MND1: variants seen among roughly 807,000 people sequenced by gnomAD.
The protein encoded by MND1 is meiotic nuclear divisions 1.
MND1 carries 28 observed loss-of-function variants against 35.1 expected under a neutral mutation model. The observed-to-expected ratio is 0.80, with a 90% CI of 0.59 to 1.09. The LOEUF (loss-of-function observed/expected upper bound fraction) is 1.09, where lower values mean the gene tolerates loss of function less well. Among genes scored for constraint, MND1 ranks in the 50% least tolerant of loss-of-function variants. The pLI is 0.00. For missense variants in MND1, 213 were observed against 239.6 expected, an observed-to-expected ratio of 0.89 and a Z score of 0.73; for synonymous variants, 69 against 70.5, an observed-to-expected ratio of 0.98 and a Z score of 0.11.
In MND1 at chr4:153,414,990, A is replaced by G. The variant is rs1385846298; in HGVS notation, c.*133A>G. On this transcript the variant is annotated 3_prime_UTR_variant, in exon 8 of 8. Transcript: ENST00000240488. ...TTTTATTAATGTTAAATAAAGTGTAAAATGCAGATGTTCTTCACCCCTTTT... is the reference window on the plus strand; with the variant it reads ...TTTTATTAATGTTAAATAAAGTGTAGAATGCAGATGTTCTTCACCCCTTTT... 2.3e-6 allele frequency: 1 copy of G among 432,096 alleles called. No individual in the cohort carries two copies. Among genetic ancestry groups the G allele is most frequent in the African/African-American group, 2.1e-5 (1 of 48,748 alleles). The allele number at this position is 432,096 out of a possible 1,614,324, so 26.8% of individuals were successfully genotyped here. A position where few individuals can be genotyped will look rare whatever the true frequency, so the allele number is the denominator to read the frequency against.
chr4:153,393,405 C>T (rs1361702774), intron 4 of MND1, among the ~76,000 whole-genome samples: 14 of 138,548 alleles, frequency 1.0e-4, no homozygotes. Context: ...GGGTCTCACT[C>T]TGTCACCCAG....
chr4:153,358,668 A>G (rs143784965), intron 4 of MND1, 46 bp downstream of exon 4: 366 of 1,560,090 alleles, frequency 2.3e-4, no homozygotes, highest in Non-Finnish European at 3.1e-4. Flanking sequence ...TATAACGGAG[A>G]GTTGTTTTAC....
At chr4:153,388,040 A>G (rs1216835324) in intron 4 of MND1, among the ~76,000 whole-genome samples, 2 of 152,176 alleles carry the variant, frequency 1.3e-5, no homozygotes, top group Non-Finnish European at 2.9e-5. Flanking sequence ...GCCAGCTTGA[A>G]TCAATTATTC....
At chr4:153,358,989 T>C (rs915004586) in intron 4 of MND1, among the ~76,000 whole-genome samples, 2 of 152,232 alleles carry the variant, frequency 1.3e-5, no homozygotes, top group African/African-American at 2.4e-5. Flanking sequence ...TTCCCTGTTA[T>C]TGACATCCTA....
intron 4 of MND1, chr4:153,363,139 T>C (rs17007969): frequency 0.057 from 18,428 of 321,394 alleles, 682 homozygotes; most frequent in South Asian, 0.14. Context: ...CTGGTGTGCA[T>C]GTTAGACTCC....
chr4:153,398,609 A>C (rs528400188), intron 6 of MND1, among the ~76,000 whole-genome samples: 4 of 152,314 alleles, frequency 2.6e-5, no homozygotes, highest in Admixed American at 2.0e-4. Context: ...CTGATTACCC[A>C]GGGTGATTTT....
At chr4:153,367,316 C>T (rs1315236557) in intron 4 of MND1, among the ~76,000 whole-genome samples, 1 of 152,170 alleles carries the variant, frequency 6.6e-6, no homozygotes, top group East Asian at 1.9e-4. Context: ...TCAGCCCACT[C>T]CTCCCACACA....
chr4:153,394,044 T>C, intron 4 of MND1, among the ~76,000 whole-genome samples: 1 of 147,330 alleles, frequency 6.8e-6, no homozygotes, highest in Admixed American at 6.9e-5. Flanking sequence ...ACTACAGGTG[T>C]GCGCCACCAC....
chr4:153,347,525 A>T (rs1773103587), intron 1 of MND1, among the ~76,000 whole-genome samples: 1 of 152,204 alleles, frequency 6.6e-6, no homozygotes, highest in Admixed American at 6.5e-5. Flanking sequence ...CCCTTGTCTA[A>T]CTTGGCACTA....
intron 6 of MND1, among the ~76,000 whole-genome samples, chr4:153,405,355 C>T (rs186205311): frequency 2.3e-4 from 35 of 151,936 alleles, no homozygotes; most frequent in East Asian, 1.2e-3. Flanking sequence ...CTGGCTAACA[C>T]GGTGAAACCC....
At chr4:153,368,271 C>G (rs1773706007) in intron 4 of MND1, among the ~76,000 whole-genome samples, 1 of 152,152 alleles carries the variant, frequency 6.6e-6, no homozygotes, top group East Asian at 1.9e-4. Context: ...CCTCCTCAAG[C>G]TCTCATTGCT....
At chr4:153,370,554 C>G (rs1773765426) in intron 4 of MND1, among the ~76,000 whole-genome samples, 1 of 152,008 alleles carries the variant, frequency 6.6e-6, no homozygotes, top group South Asian at 2.1e-4. Context: ...GAGTCTCACT[C>G]TGTCATCCAG....
chr4:153,355,570 C>A (rs903001603), intron 2 of MND1, 84 bp from the exon 3 acceptor site: 12 of 770,074 alleles, frequency 1.6e-5, no homozygotes, highest in Non-Finnish European at 2.7e-5. Flanking sequence ...ATTATGTACC[C>A]ATAATAAAAA....
chr4:153,357,062 A>T (rs1264195765), intron 3 of MND1, among the ~76,000 whole-genome samples: 2 of 152,174 alleles, frequency 1.3e-5, no homozygotes, highest in African/African-American at 4.8e-5. Flanking sequence ...ACCTCAAGTG[A>T]TCTACCTGCC....
rs1579895404 is a variant in MND1 at position 153,354,140 on chromosome 4, A to G, written c.70-1514A>G. On this transcript the variant is annotated intron_variant, in intron 2 of 7. Coordinates refer to ENST00000240488, the MANE Select transcript of MND1 (RefSeq NM_032117.4). The stretch of plus-strand genomic sequence containing the variant: ...TTAGCAGTAGAAAATAATATTCTAG[A>G]CAGGTTTTTTTTTTCTGGCCATAAG... 2.1e-5 allele frequency among the ~76,000 whole-genome samples: 3 copies of G among 146,334 alleles called. No homozygotes were observed. In the Admixed American group the frequency reaches 2.1e-4, roughly 10 times the overall value.
At chr4:153,414,659 TAGAA>T (rs1729784509) in intron 7 of MND1, 88 bp from the exon 8 acceptor site, 1 of 529,144 alleles carries the variant, frequency 1.9e-6, no homozygotes, top group Non-Finnish European at 3.3e-6. Context: ...TGAAAGTTAA[TAGAA>T]GGAAGTAAAA....
At chr4:153,399,111 G>A (rs867372016) in intron 6 of MND1, among the ~76,000 whole-genome samples, 5 of 152,156 alleles carry the variant, frequency 3.3e-5, no homozygotes, top group Middle Eastern at 3.4e-3. Context: ...TAACCAAATC[G>A]GACCCTTCAT....
rs1236772058 is a variant in MND1, at chr4:153,344,718, G to T, written c.-20G>T. On this transcript the variant is annotated 5_prime_UTR_variant, in exon 1 of 8. Transcript: ENST00000240488. ...TCCCCAAGCGCGGGCCCGGCCAGCG[G>T]AAGCCCCTGCGCCCGCGCCATGGTA... 1 of 1,589,742 alleles carries T rather than the reference G, an allele frequency of 6.3e-7. No homozygotes were observed. The highest frequency in any genetic ancestry group is 1.1e-5 in the South Asian group (1 of 87,866).
chr4:153,370,826 T>C (rs1015813428), intron 4 of MND1, among the ~76,000 whole-genome samples: 2 of 152,072 alleles, frequency 1.3e-5, no homozygotes, highest in South Asian at 2.1e-4. Context: ...GCCACAGATA[T>C]TCTTAATGGC....
Sources: gnomAD v4.1 joint callset for allele counts (sites outside exome capture counted in the v4.1 genomes callset) on GRCh38, gnomAD v4.1.1 for gene constraint, MANE v1.5 for transcripts, NCBI Gene and HGNC (gene_info 2026-07-23, HGNC 2026-07-21) for gene names.